Variants in CLGN observed in about 807,000 individuals in gnomAD.
CLGN encodes calmegin, also known as testis tissue sperm-binding protein Li 79P.
A neutral mutation model predicts 79.1 loss-of-function variants in CLGN; 62 were observed. The ratio of observed to expected loss-of-function variants is 0.78; its 90% CI spans 0.64 to 0.97. CLGN has a LOEUF of 0.97. Ranked by LOEUF, CLGN falls within the 50% of genes least tolerant of loss-of-function variation. The pLI is 0.00. For missense variants in CLGN, 647 were observed against 715.5 expected (o/e 0.90, Z 1.09); for synonymous variants, 225 against 224.7 (o/e 1.00, Z -0.01).
At chr4:140,391,979 G>T (rs1728781489) in intron 13 of CLGN, among the ~76,000 whole-genome samples, 1 of 151,824 alleles carries the variant, frequency 6.6e-6, no homozygotes, top group African/African-American at 2.4e-5. Flanking sequence ...TTCATTAACT[G>T]CTAGGCTCTC....
rs373470356 is a variant in CLGN, at chr4:140,404,239, G to A, written c.419+1703C>T. On this transcript the variant is annotated intron_variant, in intron 5 of 14. Transcript: ENST00000325617. ...CTCCCGAGTAGCTGGGGCTACAGGC[G>A]CCTGCCACCACACCCGGCTAATTTT... Among the ~76,000 whole-genome samples, 9 of 151,762 alleles carry A rather than the reference G, an allele frequency of 5.9e-5. No individual in the cohort carries two copies. In the East Asian group the frequency reaches 1.5e-3, roughly 26 times the overall value.
intron 5 of CLGN, among the ~76,000 whole-genome samples, chr4:140,402,368 C>T (rs1228847362): frequency 1.3e-5 from 2 of 151,668 alleles, no homozygotes; most frequent in African/African-American, 2.4e-5. Flanking sequence ...GATACTGTAA[C>T]TAAAACTACA....
At chr4:140,426,020 T>C (rs949042836) in intron 1 of CLGN, among the ~76,000 whole-genome samples, 1 of 152,222 alleles carries the variant, frequency 6.6e-6, no homozygotes, top group Non-Finnish European at 1.5e-5. Context: ...TCAGTTTTAA[T>C]GGCTGACTGA....
chr4:140,416,992 C>T (rs1206734961), intron 1 of CLGN, among the ~76,000 whole-genome samples: 2 of 152,096 alleles, frequency 1.3e-5, no homozygotes, highest in Non-Finnish European at 2.9e-5. Context: ...CATCAAAAAG[C>T]TTATCCACCA....
intron 3 of CLGN, among the ~76,000 whole-genome samples, chr4:140,410,264 C>G (rs1729185474): frequency 6.6e-6 from 1 of 151,862 alleles, no homozygotes; most frequent in South Asian, 2.1e-4. Context: ...GAGCAGTACT[C>G]ATATTTGTCA....
intron 8 of CLGN, among the ~76,000 whole-genome samples, chr4:140,397,687 C>T (rs977134518): frequency 2.0e-5 from 3 of 152,016 alleles, no homozygotes; most frequent in South Asian, 2.1e-4. Flanking sequence ...GGGAGGATCA[C>T]GAGATCGGGA....
rs553925615 is a variant in CLGN at position 140,404,162 on chromosome 4, C to T, written c.419+1780G>A. On this transcript the variant is annotated intron_variant, in intron 5 of 14. Transcript: ENST00000325617. ...AGGCTGGAGTGCAGTGGCATGATCT[C>T]GGCTCACTGCAAGCCCTGCCTCCCG... 5.3e-5 allele frequency among the ~76,000 whole-genome samples: 8 copies of T among 151,998 alleles called. No individual in the cohort carries two copies. The South Asian group carries it at 1.5e-3, about 28-fold the overall frequency.
intron 1 of CLGN, among the ~76,000 whole-genome samples, chr4:140,419,694 T>C (rs1729424526): frequency 6.6e-6 from 1 of 152,146 alleles, no homozygotes; most frequent in Non-Finnish European, 1.5e-5. Context: ...ATAATTCCTA[T>C]AATTCCACAA....
intron 5 of CLGN, among the ~76,000 whole-genome samples, chr4:140,404,356 G>C (rs1259469999): frequency 6.6e-6 from 1 of 152,178 alleles, no homozygotes; most frequent in Non-Finnish European, 1.5e-5. Flanking sequence ...GCCTCCCAAA[G>C]TGCTGGGATT....
intron 3 of CLGN, 129 bp from the exon 4 acceptor site, chr4:140,410,024 A>G: frequency 1.7e-6 from 1 of 572,242 alleles, no homozygotes; most frequent in South Asian, 2.7e-5. Context: ...ATAAATTCAT[A>G]CTTAGATGCT....
intron 5 of CLGN, among the ~76,000 whole-genome samples, 164 bp from the exon 6 acceptor site, chr4:140,402,230 G>A (rs1388911895): frequency 2.0e-5 from 3 of 151,680 alleles, no homozygotes; most frequent in Non-Finnish European, 2.9e-5. Context: ...AAGCAGAAAC[G>A]CTTTTCTACT....
chr4:140,419,053 G>A (rs1184195758), intron 1 of CLGN, among the ~76,000 whole-genome samples: 1 of 152,096 alleles, frequency 6.6e-6, no homozygotes, highest in Non-Finnish European at 1.5e-5. Context: ...GTCCTTTGTA[G>A]GGACATGGAT....
intron 1 of CLGN, among the ~76,000 whole-genome samples, chr4:140,418,292 G>T (rs1414108132): frequency 6.7e-6 from 1 of 149,580 alleles, no homozygotes; most frequent in Non-Finnish European, 1.5e-5. Context: ...ATAGGCATGG[G>T]CAAGGACTTC....
rs1260792110 is a variant in CLGN, at chr4:140,418,332, A to C, written c.-9-5245T>G. ...CTAAAACACCAAAAGCAATGGCAAC[A>C]AAAGCCAAAATTGACAAATGGGATC... On this transcript the variant is annotated intron_variant, in intron 1 of 14. Transcript: ENST00000325617. Among the ~76,000 whole-genome samples, 7 of 148,848 alleles carry C rather than the reference A, an allele frequency of 4.7e-5. No individual in the cohort carries two copies. In the South Asian group the frequency reaches 6.5e-4, roughly 14 times the overall value.
intron 4 of CLGN, among the ~76,000 whole-genome samples, chr4:140,407,300 A>G (rs1459466292): frequency 6.6e-6 from 1 of 152,038 alleles, no homozygotes; most frequent in Non-Finnish European, 1.5e-5. Flanking sequence ...TTTAAGAAGT[A>G]ACAACTTTAT....
At chr4:140,394,849 A>G (rs358333) in intron 10 of CLGN, among the ~76,000 whole-genome samples, 9,801 of 152,190 alleles carry the variant, frequency 0.064, 398 homozygotes, top group African/African-American at 0.11. Context: ...CTTTTAATAT[A>G]AAAAGCTAGG....
chr4:140,392,651 A>T lies in CLGN; in HGVS notation c.1426T>A (p.Tyr476Asn). The T allele has an allele frequency of 6.2e-7, 1 of 1,611,484 alleles. No individual in the cohort carries two copies. Among genetic ancestry groups the T allele is most frequent in the Non-Finnish European group, 8.5e-7 (1 of 1,178,926 alleles). Residue 476 changes from tyrosine (Y) to asparagine (N), a missense_variant, in exon 12 of 15, where the codon TAT (tyrosine) becomes AAT (asparagine). Coordinates refer to ENST00000325617, the MANE Select transcript of CLGN (RefSeq NM_004362.3). ...AEGHPWLWLI[Y>N]LVTAGVPIAL... ...ATTGGCACTCCTGCTGTCACAAGAT[A>T]AATCAACCAAAGCCATGGGTGCCCT...
intron 1 of CLGN, among the ~76,000 whole-genome samples, chr4:140,420,136 A>C (rs1238858980): frequency 6.6e-6 from 1 of 152,122 alleles, no homozygotes; most frequent in Non-Finnish European, 1.5e-5. Context: ...TGAAAAAAAA[A>C]CATTCTAAGT....
At chr4:140,414,242 G>A (rs1729276334) in intron 1 of CLGN, among the ~76,000 whole-genome samples, 1 of 152,180 alleles carries the variant, frequency 6.6e-6, no homozygotes, top group Non-Finnish European at 1.5e-5. Flanking sequence ...AAACCACAAA[G>A]ATGGGGGGAA....
Sources: gnomAD v4.1 joint callset for allele counts (sites outside exome capture counted in the v4.1 genomes callset) on GRCh38, gnomAD v4.1.1 for gene constraint, MANE v1.5 for transcripts, NCBI Gene and HGNC (gene_info 2026-07-23, HGNC 2026-07-21) for gene names.